Variants in ARSF observed in about 807,000 individuals in gnomAD.
ARSF encodes the protein arylsulfatase F.
ARSF carries 33 observed loss-of-function variants against 35.4 expected under a neutral mutation model. The ratio of observed to expected loss-of-function variants is 0.93; its 90% CI spans 0.71 to 1.25. The LOEUF (loss-of-function observed/expected upper bound fraction) is 1.25. ARSF is among the 50% of genes most tolerant of loss of function. ARSF has a pLI of 0.00. For missense variants in ARSF, 501 were observed against 480.2 expected, an observed-to-expected ratio of 1.04 and a Z score of -0.40; for synonymous variants, 222 against 193.1, an observed-to-expected ratio of 1.15 and a Z score of -1.24.
chrX:3,061,893 C>A (rs140325458), intron 1 of ARSF, among the ~76,000 whole-genome samples: 114 of 110,665 alleles, frequency 1.0e-3, no homozygotes, highest in African/African-American at 3.4e-3. Context: ...GACAGATCAA[C>A]GAGACAGAAG....
At chrX:3,101,026 C>A in intron 7 of ARSF, 61 bp from the exon 8 acceptor site, 1 of 1,117,662 alleles carries the variant, frequency 8.9e-7, no homozygotes, top group Non-Finnish European at 1.2e-6. Context: ...GCCCATTTGA[C>A]TTAGGGGTGA....
chrX:3,045,624 C>T (rs749167510), intron 1 of ARSF, among the ~76,000 whole-genome samples: 21 of 103,161 alleles, frequency 2.0e-4, no homozygotes, highest in African/African-American at 7.5e-4. Context: ...GGCGCCATCT[C>T]GGCTCACTGC....
At chrX:3,047,825 C>T (rs754435260) in intron 1 of ARSF, among the ~76,000 whole-genome samples, 2 of 110,701 alleles carry the variant, frequency 1.8e-5, no homozygotes, top group East Asian at 5.7e-4. Context: ...AGTCCGTTTT[C>T]ATGCTGCTGA....
intron 6 of ARSF, among the ~76,000 whole-genome samples, chrX:3,089,211 C>T (rs1250780817): frequency 8.9e-6 from 1 of 111,882 alleles, no homozygotes; most frequent in Non-Finnish European, 1.9e-5. Context: ...GAGTATGCTG[C>T]AAGCTTAGTT....
chrX:3,065,713 A>G (rs1212382637), intron 1 of ARSF, among the ~76,000 whole-genome samples: 1 of 110,323 alleles, frequency 9.1e-6, no homozygotes, highest in Non-Finnish European at 1.9e-5. Context: ...TTCTTAACAT[A>G]TATTATTTTG....
At chrX:3,058,549 C>T (rs1162926828) in intron 1 of ARSF, 2 of 313,765 alleles carry the variant, frequency 6.4e-6, no homozygotes, top group African/African-American at 2.7e-5. Flanking sequence ...AAAGGCAGAA[C>T]ATATCAAGAT....
rs72237331 is a variant in ARSF, at chrX:3,075,745, GTCTGTC to G, written c.162-787_162-782del. Among the ~76,000 whole-genome samples the G allele has an allele frequency of 4.7e-3, 497 of 104,915 alleles. 1 individual carries two copies. Among genetic ancestry groups the G allele is most frequent in the African/African-American group, 0.016 (448 of 28,544 alleles). The allele number at this position is 104,915 out of a possible 115,157, so 91.1% of individuals were successfully genotyped here. A position where few individuals can be genotyped will look rare whatever the true frequency, so the allele number is the denominator to read the frequency against. ...CTTGTCTCTCTATGTCTCTCTGATT[GTCTGTC>G]TCTGTCTCTGTCTCTCTCTTTGTCT... is the stretch of plus-strand genomic sequence containing the variant. On this transcript the variant is annotated intron_variant, in intron 3 of 10. Coordinates refer to ENST00000381127, the MANE Select transcript of ARSF (RefSeq NM_001201539.2).
At position 3,110,144 on chromosome X, in the gene ARSF, G is replaced by C; in HGVS notation, c.1282G>C (p.Asp428His). 2 of 1,192,523 alleles carry C rather than the reference G, an allele frequency of 1.7e-6. No homozygotes were observed. Among genetic ancestry groups the C allele is most frequent in the Non-Finnish European group, 2.3e-6 (2 of 885,139 alleles). Reference sequence around the variant, plus strand: ...TCTCTGCAGGGTCATTGACGGCCGAGACCTCATGCCCTTGCTGCAGGGCAA... The same window carrying C: ...TCTCTGCAGGGTCATTGACGGCCGACACCTCATGCCCTTGCTGCAGGGCAA... The part of the protein sequence containing the change: ...LPQDRVIDGR[D>H]LMPLLQGNVR... The change falls in exon 10 of 11, where the codon GAC becomes CAC. Residue 428 changes from aspartate to histidine, a missense_variant. Physicochemically the swap from Asp to His is moderately conservative, Grantham distance 81 (BLOSUM62 -1). Coordinates refer to ENST00000381127, the MANE Select transcript of ARSF (RefSeq NM_001201539.2).
At chrX:3,092,987 A>G (rs1296678098) in intron 7 of ARSF, among the ~76,000 whole-genome samples, 16 of 111,267 alleles carry the variant, frequency 1.4e-4, no homozygotes, top group Admixed American at 1.2e-3. Context: ...CCTGGTTAAC[A>G]CTGTGAAACC....
chrX:3,042,494 GTTTA>G (rs1044536185), intron 1 of ARSF, among the ~76,000 whole-genome samples: 16 of 111,112 alleles, frequency 1.4e-4, no homozygotes, highest in Non-Finnish European at 2.6e-4. Flanking sequence ...CTAATTCCAT[GTTTA>G]TTTATTTATA....
rs1270679778 is a variant in ARSF at position 3,101,076 on chromosome X, T to A, written c.968-11T>A. On this transcript the variant is annotated splice_polypyrimidine_tract_variant and intron_variant, in intron 7 of 10. Coordinates refer to ENST00000381127, the MANE Select transcript of ARSF (RefSeq NM_001201539.2). Reference sequence around the variant, plus strand: ...TCATTATTTTTACTTGTCTCTTGTATATTATTTTAGGCAAGATTCTTGATG... The same window carrying A: ...TCATTATTTTTACTTGTCTCTTGTAAATTATTTTAGGCAAGATTCTTGATG... The A allele has an allele frequency of 3.3e-6, 4 of 1,207,473 alleles. No individual in the cohort carries two copies. The highest frequency in any genetic ancestry group is 4.5e-6 in the Non-Finnish European group (4 of 892,627).
intron 3 of ARSF, among the ~76,000 whole-genome samples, chrX:3,075,268 T>C (rs2090137253): frequency 8.9e-6 from 1 of 111,809 alleles, no homozygotes; most frequent in Non-Finnish European, 1.9e-5. Context: ...GAACAACAGC[T>C]GCCTGGAATC....
At chrX:3,041,284 TTTTC>T (rs1473527590), upstream of ARSF, among the ~76,000 whole-genome samples, 7 of 90,306 alleles carry the variant, frequency 7.8e-5, no homozygotes, top group African/African-American at 8.5e-5. Context: ...TGTTCTTTTC[TTTTC>T]TTTTCTTTTT....
intron 5 of ARSF, among the ~76,000 whole-genome samples, chrX:3,082,521 C>A (rs984633631): frequency 9.0e-5 from 10 of 111,435 alleles, no homozygotes; most frequent in African/African-American, 3.3e-4. Flanking sequence ...TATCATGTAT[C>A]TATCTATCCA....
intron 1 of ARSF, among the ~76,000 whole-genome samples, chrX:3,056,529 A>C (rs1448205736): frequency 9.1e-6 from 1 of 109,642 alleles, no homozygotes; most frequent in African/African-American, 3.3e-5. Context: ...GCTTGCCTCA[A>C]CTCCCAAAGT....
At chrX:3,065,564 G>C (rs1006927964) in intron 1 of ARSF, among the ~76,000 whole-genome samples, 4 of 107,869 alleles carry the variant, frequency 3.7e-5, no homozygotes, top group African/African-American at 1.4e-4. Context: ...TTAAGACCAG[G>C]AGGCAGAGAT....
intron 7 of ARSF, among the ~76,000 whole-genome samples, chrX:3,093,594 C>CT (rs1423528381): frequency 8.9e-6 from 1 of 112,094 alleles, no homozygotes; most frequent in Non-Finnish European, 1.9e-5. Flanking sequence ...TGATTTTGTT[C>CT]TTTTTTATGG....
chrX:3,109,696 TTC>T (rs2090431717), intron 9 of ARSF, among the ~76,000 whole-genome samples: 1 of 111,889 alleles, frequency 8.9e-6, no homozygotes, highest in African/African-American at 3.2e-5. Flanking sequence ...GTGATTGGTT[TTC>T]TGTTTGTGCG....
chrX:3,072,287 T>TC (rs1438418037), intron 3 of ARSF, 112 bp downstream of exon 3: 1 of 777,996 alleles, frequency 1.3e-6, no homozygotes, highest in Non-Finnish European at 1.8e-6. Flanking sequence ...GACTTTTTTT[T>TC]AAGTTACTTT....
Sources: allele counts gnomAD v4.1 joint callset (sites outside exome capture counted in the v4.1 genomes callset), GRCh38; gene constraint gnomAD v4.1.1; transcripts MANE v1.5; gene names NCBI Gene and HGNC (gene_info 2026-07-23, HGNC 2026-07-21).